CD58: variants seen among roughly 807,000 people sequenced by gnomAD.
CD58 encodes lymphocyte function-associated antigen 3.
In CD58, 14 loss-of-function variants were observed where a neutral mutation model predicts 27.6. That is an observed-to-expected ratio of 0.51 (90% CI 0.34 to 0.79). CD58 has a LOEUF of 0.79. Ranked by LOEUF, CD58 falls within the 30% of genes least tolerant of loss-of-function variation. The pLI is 0.02. For synonymous variants in CD58, 117 were observed against 103.8 expected, an observed-to-expected ratio of 1.13 and a Z score of -0.77; for missense variants, 268 against 301.7, an observed-to-expected ratio of 0.89 and a Z score of 0.83.
chr1:116,538,931 G>A lies in CD58; in HGVS notation c.365-2703C>T, dbSNP rs971266755. Among the ~76,000 whole-genome samples the A allele has an allele frequency of 1.3e-5, 2 of 152,194 alleles. No individual in the cohort carries two copies. Among genetic ancestry groups the A allele is most frequent in the Non-Finnish European group, 2.9e-5 (2 of 68,026 alleles). On this transcript the variant is annotated intron_variant, in intron 2 of 5. Coordinates refer to ENST00000369489, the MANE Select transcript of CD58 (RefSeq NM_001779.3). The surrounding 1 kb of genome is among the most constrained non-coding windows in gnomAD (Gnocchi z 4.7). ...GCTATCTCCAAAGAGGTACAGTATG[G>A]TGTTTAGCATGGACTCAGAAGCCCA... is the stretch of plus-strand genomic sequence containing the variant.
intron 1 of CD58, among the ~76,000 whole-genome samples, chr1:116,566,864 C>T (rs1658953436): frequency 6.6e-6 from 1 of 151,916 alleles, no homozygotes; most frequent in Non-Finnish European, 1.5e-5. Flanking sequence ...GAGAAAATTG[C>T]TGGGTGGCTC....
chr1:116,530,978 C>T (rs1206158362), intron 3 of CD58, among the ~76,000 whole-genome samples: 3 of 152,142 alleles, frequency 2.0e-5, no homozygotes, highest in Non-Finnish European at 2.9e-5. Context: ...AGCAACATTC[C>T]TCAAACTTTC....
chr1:116,518,982 G>A, intron 5 of CD58: 1 of 1,031,866 alleles, frequency 9.7e-7, no homozygotes, highest in Non-Finnish European at 1.3e-6. Context: ...TCTAAGCAAG[G>A]GGTATGATAC....
At chr1:116,565,935 T>C (rs923466606) in intron 1 of CD58, among the ~76,000 whole-genome samples, 2 of 152,138 alleles carry the variant, frequency 1.3e-5, no homozygotes, top group African/African-American at 2.4e-5. Context: ...GCCAGGATGG[T>C]CTCAATCTCC....
Position 116,570,905 on chromosome 1 carries a change from A to C in CD58, c.68T>G (p.Phe23Cys), listed in dbSNP as rs1420938869. 2 of 1,561,298 alleles carry C rather than the reference A, an allele frequency of 1.3e-6. No individual in the cohort carries two copies. The highest frequency in any genetic ancestry group is 1.7e-6 in the Non-Finnish European group (2 of 1,158,396). Residue 23 changes from phenylalanine (F) to cysteine (C), a missense_variant and splice_region_variant, in exon 1 of 6, where the codon TTT becomes TGT. Coordinates refer to ENST00000369489, the MANE Select transcript of CD58 (RefSeq NM_001779.3). This position sits in a 1 kb window ranked among gnomAD's most constrained non-coding sequence, Gnocchi z 6.4. ...CCCCTGGGGCAGGCTTCACTCACCA[A>C]AGCAGTGCAGCAGGCAGACCACGCT... ...VLSVVCLLHCFGFISCFSQQI... is the reference protein window; with the variant it reads ...VLSVVCLLHCCGFISCFSQQI...
At position 116,532,926 on chromosome 1, in the gene CD58, C is replaced by T. The variant is rs1657666432; in HGVS notation, c.628+3039G>A. 2.8e-6 allele frequency: 3 copies of T among 1,065,030 alleles called. No homozygotes were observed. Among genetic ancestry groups the T allele is most frequent in the Non-Finnish European group, 4.1e-6 (3 of 724,658 alleles). 66.0% of individuals were successfully genotyped at this position (1,065,030 alleles called of 1,614,324 possible). ...CGACAGCCGGTCTGCCAGGCGCCCA[C>T]CTCCACTTCCTACTGCTGCTTGCAT... On this transcript the variant is annotated intron_variant, in intron 3 of 5. Transcript: ENST00000369489. This position sits in a 1 kb window ranked among gnomAD's most constrained non-coding sequence, Gnocchi z 5.1.
intron 1 of CD58, among the ~76,000 whole-genome samples, chr1:116,569,801 C>G (rs569499067): frequency 6.6e-6 from 1 of 152,064 alleles, no homozygotes; most frequent in Non-Finnish European, 1.5e-5. Flanking sequence ...GATCTTTCAC[C>G]GTGTTGGCCC....
At position 116,522,128 on chromosome 1, in the gene CD58, G is replaced by C; in HGVS notation, c.629-145C>G. The C allele has an allele frequency of 1.8e-6, 1 of 567,998 alleles. No homozygotes were observed. The highest frequency in any genetic ancestry group is 3.2e-6 in the Non-Finnish European group (1 of 310,430). 35.2% of individuals were successfully genotyped at this position (567,998 alleles called of 1,614,324 possible). Reference sequence around the variant, plus strand: ...TCAATACCCAAAGCAGTCATTCTCAGACATAAGAACAGTGATGAAAACTTT... The same window carrying C: ...TCAATACCCAAAGCAGTCATTCTCACACATAAGAACAGTGATGAAAACTTT... On this transcript the variant is annotated intron_variant, in intron 3 of 5. Coordinates refer to ENST00000369489, the MANE Select transcript of CD58 (RefSeq NM_001779.3). This position sits in a 1 kb window ranked among gnomAD's most constrained non-coding sequence, Gnocchi z 4.6.
Position 116,559,530 on chromosome 1 carries a change from CTT to C in CD58, c.70+11371_70+11372del, listed in dbSNP as rs768611688. 3.3e-5 allele frequency among the ~76,000 whole-genome samples: 5 copies of C among 152,268 alleles called. No homozygotes were observed. The highest frequency in any genetic ancestry group is 5.9e-5 in the Non-Finnish European group (4 of 68,006). On this transcript the variant is annotated intron_variant, in intron 1 of 5. Transcript: ENST00000369489. This position sits in a 1 kb window ranked among gnomAD's most constrained non-coding sequence, Gnocchi z 4.4. ...TAGCCGGTCCCAGTTAGTGACTTCT[CTT>C]ATTTCCTTAAGACAGAGATTTACTG...
At chr1:116,547,704 G>A (rs1261524595) in intron 1 of CD58, among the ~76,000 whole-genome samples, 1 of 151,982 alleles carries the variant, frequency 6.6e-6, no homozygotes, top group Admixed American at 6.6e-5. Context: ...ATTGATTGAT[G>A]GGCATTTATG....
chr1:116,524,207 A>G lies in CD58; in HGVS notation c.629-2224T>C, dbSNP rs983856268. On this transcript the variant is annotated intron_variant, in intron 3 of 5. Transcript: ENST00000369489. This position sits in a 1 kb window ranked among gnomAD's most constrained non-coding sequence, Gnocchi z 4.6. ...AGGCCCTAGTTCATTTTCATGGGAA[A>G]TGATAATTAGGTACCATAATCTGGG... Among the ~76,000 whole-genome samples, 4 of 152,186 alleles carry G rather than the reference A, an allele frequency of 2.6e-5. No individual in the cohort carries two copies. The highest frequency in any genetic ancestry group is 7.2e-5 in the African/African-American group (3 of 41,458).
intron 1 of CD58, among the ~76,000 whole-genome samples, chr1:116,561,217 T>TA (rs1475421912): frequency 6.6e-6 from 1 of 152,212 alleles, no homozygotes; most frequent in Non-Finnish European, 1.5e-5. Context: ...AAGACTATTT[T>TA]AAAACTTCTG....
In CD58 at chr1:116,530,688, AAAGT is replaced by A. The variant is rs1657574978; in HGVS notation, c.628+5273_628+5276del. ...TTTAGATGAGAAATCAAAACCTGAA[AAAGT>A]AAGATCTAGTATTTAACTGTTATAC... is the stretch of plus-strand genomic sequence containing the variant. On this transcript the variant is annotated intron_variant, in intron 3 of 5. Coordinates refer to ENST00000369489, the MANE Select transcript of CD58 (RefSeq NM_001779.3). Among the ~76,000 whole-genome samples the A allele has an allele frequency of 2.6e-5, 4 of 152,356 alleles. No homozygotes were observed. The South Asian group carries it at 8.3e-4, about 32-fold the overall frequency.
At chr1:116,569,823 G>A (rs3785619) in intron 1 of CD58, among the ~76,000 whole-genome samples, 4 of 151,984 alleles carry the variant, frequency 2.6e-5, no homozygotes, top group African/African-American at 9.7e-5. Context: ...GCTGGTCTCC[G>A]ATTCCTGGCC....
In CD58 at chr1:116,523,450, TC is replaced by T. The variant is rs1480205811; in HGVS notation, c.629-1468del. 2.6e-5 allele frequency among the ~76,000 whole-genome samples: 4 copies of T among 152,140 alleles called. No individual in the cohort carries two copies. Among genetic ancestry groups the T allele is most frequent in the African/African-American group, 9.7e-5 (4 of 41,428 alleles). ...TGAGAATAAGGATATGATCACACTT[TC>T]CTTTTATTAGGAACACAGGTGTGTT... On this transcript the variant is annotated intron_variant, in intron 3 of 5. Coordinates refer to ENST00000369489, the MANE Select transcript of CD58 (RefSeq NM_001779.3). This position sits in a 1 kb window ranked among gnomAD's most constrained non-coding sequence, Gnocchi z 4.4.
chr1:116,536,283 A>G lies in CD58; in HGVS notation c.365-55T>C, dbSNP rs565962590. 1 of 1,390,706 alleles carries G rather than the reference A, an allele frequency of 7.2e-7. No homozygotes were observed. Among genetic ancestry groups the G allele is most frequent in the South Asian group, 1.3e-5 (1 of 74,592 alleles). The allele number at this position is 1,390,706 out of a possible 1,614,324, so 86.1% of individuals were successfully genotyped here. A position where few individuals can be genotyped will look rare whatever the true frequency, so the allele number is the denominator to read the frequency against. On this transcript the variant is annotated intron_variant, in intron 2 of 5. Transcript: ENST00000369489. This position sits in a 1 kb window ranked among gnomAD's most constrained non-coding sequence, Gnocchi z 5.4. ...GAAAATAGTAATATTTAGACTTATC[A>G]TCTGCAAATTTATGAAGAGCTCGCA...
At chr1:116,564,615 G>C (rs1287891748) in intron 1 of CD58, among the ~76,000 whole-genome samples, 1 of 152,232 alleles carries the variant, frequency 6.6e-6, no homozygotes, top group African/African-American at 2.4e-5. Flanking sequence ...GTAGGCAAGA[G>C]AGAGCTTGTG....
In CD58 at chr1:116,524,636, AC is replaced by A. The variant is rs1158546605; in HGVS notation, c.629-2654del. ...CTGAATCTCCTTTCTTTCATGCCAA[AC>A]ATCCCAATATTCAATAACAACAATA... is the stretch of plus-strand genomic sequence containing the variant. On this transcript the variant is annotated intron_variant, in intron 3 of 5. Coordinates refer to ENST00000369489, the MANE Select transcript of CD58 (RefSeq NM_001779.3). The surrounding 1 kb of genome is among the most constrained non-coding windows in gnomAD (Gnocchi z 4.6). Among the ~76,000 whole-genome samples, 1 of 152,252 alleles carries A rather than the reference AC, an allele frequency of 6.6e-6. No homozygotes were observed. The highest frequency in any genetic ancestry group is 1.5e-5 in the Non-Finnish European group (1 of 68,038).
Position 116,541,893 on chromosome 1 carries a change from T to C in CD58, c.364+2418A>G, listed in dbSNP as rs924596925. Among the ~76,000 whole-genome samples, 11 of 152,228 alleles carry C rather than the reference T, an allele frequency of 7.2e-5. No individual in the cohort carries two copies. Among genetic ancestry groups the C allele is most frequent in the African/African-American group, 2.7e-4 (11 of 41,458 alleles). ...ACGCAGACAGAAAAGGAAAGAGACCTAAGGCTTAAGCCTTGATGTTTCCAG... is the reference window on the plus strand; with the variant it reads ...ACGCAGACAGAAAAGGAAAGAGACCCAAGGCTTAAGCCTTGATGTTTCCAG... On this transcript the variant is annotated intron_variant, in intron 2 of 5. Transcript: ENST00000369489. The surrounding 1 kb of genome is among the most constrained non-coding windows in gnomAD (Gnocchi z 5.3).
Sources: gnomAD v4.1 joint callset for allele counts (sites outside exome capture counted in the v4.1 genomes callset) on GRCh38, gnomAD v4.1.1 for gene constraint, Gnocchi (gnomAD v3.1) non-coding constraint, MANE v1.5 for transcripts, NCBI Gene and HGNC (gene_info 2026-07-23, HGNC 2026-07-21) for gene names.